Variants in PLSCR4 observed in about 807,000 individuals in gnomAD.
PLSCR4 encodes the protein Ca(2+)-dependent phospholipid scramblase 4.
PLSCR4 carries 25 observed loss-of-function variants against 36.3 expected under a neutral mutation model. The observed-to-expected ratio is 0.69, with a 90% CI of 0.50 to 0.96. The LOEUF (loss-of-function observed/expected upper bound fraction) is 0.96. Among genes scored for constraint, PLSCR4 ranks in the 40% least tolerant of loss-of-function variants. The pLI is 0.00. For synonymous variants in PLSCR4, 122 were observed against 132.9 expected, an observed-to-expected ratio of 0.92 and a Z score of 0.56; for missense variants, 408 against 414.7, an observed-to-expected ratio of 0.98 and a Z score of 0.14.
chr3:146,202,700 C>T (rs1335156936), intron 4 of PLSCR4, among the ~76,000 whole-genome samples: 1 of 152,056 alleles, frequency 6.6e-6, no homozygotes, highest in East Asian at 1.9e-4. Context: ...TACTTTACCA[C>T]AGTAGAACTT....
chr3:146,229,612 T>TATTG (rs2035619809), intron 1 of PLSCR4, among the ~76,000 whole-genome samples: 2 of 129,450 alleles, frequency 1.5e-5, no homozygotes, highest in South Asian at 5.5e-4. Flanking sequence ...TTTATTTATT[T>TATTG]ATTTATTTAT....
chr3:146,238,254 A>T, intron 1 of PLSCR4, among the ~76,000 whole-genome samples: 1 of 151,908 alleles, frequency 6.6e-6, no homozygotes, highest in East Asian at 2.0e-4. Flanking sequence ...TCTACCAAAT[A>T]CTTAATAAGG....
chr3:146,229,343 G>A (rs1377277735), intron 1 of PLSCR4, among the ~76,000 whole-genome samples: 1 of 151,988 alleles, frequency 6.6e-6, no homozygotes, highest in African/African-American at 2.4e-5. Context: ...CCAGGGGGGT[G>A]GGGGCCTTGA....
chr3:146,195,143 A>G lies in PLSCR4; in HGVS notation c.926T>C (p.Phe309Ser), dbSNP rs140535240. 1.1e-5 allele frequency: 18 copies of G among 1,613,784 alleles called. No individual in the cohort carries two copies. Among genetic ancestry groups the G allele is most frequent in the Non-Finnish European group, 1.4e-5 (16 of 1,179,862 alleles). Reference protein sequence around the residue: ...DLDVKMKAMIFGACFLIDFMY... With the variant: ...DLDVKMKAMISGACFLIDFMY... The stretch of plus-strand genomic sequence containing the variant: ...GCTTACAATGAGGAAGCAAGCTCCA[A>G]AAATCATGGCTTTCATCTTCACATC... Residue 309 changes from phenylalanine (F) to serine (S), a missense_variant, in exon 8 of 9, where the codon TTT (phenylalanine) becomes TCT (serine). Transcript: ENST00000354952.
chr3:146,242,584 C>T (rs2036196594), intron 1 of PLSCR4, among the ~76,000 whole-genome samples: 1 of 152,132 alleles, frequency 6.6e-6, no homozygotes, highest in South Asian at 2.1e-4. Context: ...ATAAACTCAA[C>T]TCAGTTAGTA....
At chr3:146,237,829 GA>G (rs2035981043) in intron 1 of PLSCR4, among the ~76,000 whole-genome samples, 2 of 150,406 alleles carry the variant, frequency 1.3e-5, no homozygotes, top group East Asian at 3.9e-4. Flanking sequence ...ACCAAAGCAA[GA>G]AAAAGGAAAG....
intron 5 of PLSCR4, among the ~76,000 whole-genome samples, chr3:146,200,760 T>C (rs1177225213): frequency 6.6e-6 from 1 of 152,018 alleles, no homozygotes; most frequent in Non-Finnish European, 1.5e-5. Flanking sequence ...GAAAGGTAAA[T>C]GTGGAGTAGG....
At chr3:146,239,014 A>G (rs2107843551) in intron 1 of PLSCR4, among the ~76,000 whole-genome samples, 1 of 152,296 alleles carries the variant, frequency 6.6e-6, no homozygotes, top group African/African-American at 2.4e-5. Context: ...TACCAAAAAT[A>G]ATAAAACACC....
intron 1 of PLSCR4, among the ~76,000 whole-genome samples, chr3:146,224,636 T>G (rs890478776): frequency 2.6e-5 from 4 of 152,054 alleles, no homozygotes; most frequent in African/African-American, 9.7e-5. Flanking sequence ...CAAGATTTAT[T>G]GCAAACAGCA....
chr3:146,219,373 T>C (rs1484525452), intron 3 of PLSCR4, among the ~76,000 whole-genome samples: 1 of 152,192 alleles, frequency 6.6e-6, no homozygotes, highest in African/African-American at 2.4e-5. Flanking sequence ...AGATCTTGTA[T>C]ATCATGTTGG....
chr3:146,242,172 G>A (rs1198257624), intron 1 of PLSCR4, among the ~76,000 whole-genome samples: 1 of 152,150 alleles, frequency 6.6e-6, no homozygotes, highest in Admixed American at 6.5e-5. Context: ...TCTTTCCTCT[G>A]TTTATGAATA....
At chr3:146,247,208 T>G (rs893275681) in intron 1 of PLSCR4, among the ~76,000 whole-genome samples, 1 of 152,096 alleles carries the variant, frequency 6.6e-6, no homozygotes, top group Non-Finnish European at 1.5e-5. Flanking sequence ...CTGAAAAAAA[T>G]ATTTTCTTCC....
chr3:146,214,327 T>G (rs2034787915), intron 3 of PLSCR4, among the ~76,000 whole-genome samples: 1 of 61,062 alleles, frequency 1.6e-5, no homozygotes, highest in African/African-American at 5.3e-5. Flanking sequence ...TTCACCGTTT[T>G]TTAGCCGGGA....
intron 5 of PLSCR4, 142 bp from the exon 6 acceptor site, chr3:146,200,181 C>A: frequency 1.7e-6 from 1 of 587,770 alleles, no homozygotes; most frequent in Non-Finnish European, 3.0e-6. Context: ...ATTAGAGTAC[C>A]CCAAAAATCA....
chr3:146,227,441 T>C (rs1029824487), intron 1 of PLSCR4, among the ~76,000 whole-genome samples: 1 of 152,204 alleles, frequency 6.6e-6, no homozygotes, highest in African/African-American at 2.4e-5. Context: ...TATCTTATTA[T>C]ATGCTATTAT....
At chr3:146,219,323 T>A (rs2035032616) in intron 3 of PLSCR4, among the ~76,000 whole-genome samples, 1 of 152,128 alleles carries the variant, frequency 6.6e-6, no homozygotes, top group African/African-American at 2.4e-5. Context: ...TCTAGTAGGG[T>A]CTAGGTTTTT....
At chr3:146,245,531 T>C (rs1234681784) in intron 1 of PLSCR4, among the ~76,000 whole-genome samples, 1 of 152,064 alleles carries the variant, frequency 6.6e-6, no homozygotes, top group African/African-American at 2.4e-5. Context: ...TCAAGCACAA[T>C]TGTTAAGTAA....
rs775373359 is a variant in PLSCR4, at chr3:146,201,017, T to C, written c.397+18A>G. ...ATCTGATTAAAATACTGCTGAGCACTACAAAAATTATACATACTTTCCAGA... is the reference window on the plus strand; with the variant it reads ...ATCTGATTAAAATACTGCTGAGCACCACAAAAATTATACATACTTTCCAGA... On this transcript the variant is annotated intron_variant, in intron 5 of 8. Transcript: ENST00000354952. 4.6e-6 allele frequency: 7 copies of C among 1,513,234 alleles called. No homozygotes were observed. Among genetic ancestry groups the C allele is most frequent in the Admixed American group, 2.1e-5 (1 of 47,426 alleles). 93.7% of individuals were successfully genotyped at this position (1,513,234 alleles called of 1,614,324 possible).
chr3:146,233,484 G>T (rs1213365361), intron 1 of PLSCR4, among the ~76,000 whole-genome samples: 1 of 152,058 alleles, frequency 6.6e-6, no homozygotes, highest in Non-Finnish European at 1.5e-5. Flanking sequence ...ATTTTTTAGA[G>T]AAGTTTTAAG....
Sources: gnomAD v4.1 joint callset for allele counts (sites outside exome capture counted in the v4.1 genomes callset) on GRCh38, gnomAD v4.1.1 for gene constraint, MANE v1.5 for transcripts, NCBI Gene and HGNC (gene_info 2026-07-23, HGNC 2026-07-21) for gene names.